Variants in CTNNA3 observed in about 807,000 individuals in gnomAD.
CTNNA3 encodes the protein catenin alpha 3, also known as catenin alpha-3.
CTNNA3 carries 76 observed loss-of-function variants against 95.7 expected under a neutral mutation model. The observed-to-expected ratio is 0.79, with a 90% CI of 0.66 to 0.96. The LOEUF (loss-of-function observed/expected upper bound fraction) is 0.96. Ranked by LOEUF, CTNNA3 falls within the 40% of genes least tolerant of loss-of-function variation. The probability of loss-of-function intolerance (pLI) is 0.00; values close to 1 mark genes in which losing one functional copy is unlikely to be tolerated. For synonymous variants in CTNNA3, 431 were observed against 374.4 expected, an observed-to-expected ratio of 1.15 and a Z score of -1.74; for missense variants, 1,191 against 1,089.8, an observed-to-expected ratio of 1.09 and a Z score of -1.31.
In CTNNA3 at chr10:66,621,591, C is replaced by CA. The variant is rs111590769; in HGVS notation, c.1374+100dup. ...TGGGCAACAGAGCGAGACCTGGTCT[C>CA]AAAAAAAAAAAAAGAAAAAAAAATA... On this transcript the variant is annotated intron_variant, in intron 10 of 17. Coordinates refer to ENST00000433211, the MANE Select transcript of CTNNA3 (RefSeq NM_013266.4). 67,820 of 473,202 alleles carry CA rather than the reference C, an allele frequency of 0.14. 1,320 individuals carry two copies. The highest frequency in any genetic ancestry group is 0.32 in the African/African-American group (11,601 of 36,712). 29.3% of individuals were successfully genotyped at this position (473,202 alleles called of 1,614,324 possible).
At chr10:66,549,023 C>G (rs544126139) in intron 10 of CTNNA3, among the ~76,000 whole-genome samples, 34 of 102,922 alleles carry the variant, frequency 3.3e-4, no homozygotes, top group Admixed American at 2.1e-3. Flanking sequence ...GAGTCTTGCT[C>G]TGTTGCCCAG....
At chr10:66,308,808 T>G (rs1340005180) in intron 12 of CTNNA3, among the ~76,000 whole-genome samples, 2 of 152,190 alleles carry the variant, frequency 1.3e-5, no homozygotes, top group Non-Finnish European at 2.9e-5. Flanking sequence ...AATTCATGTT[T>G]TATTATATAT....
intron 13 of CTNNA3, among the ~76,000 whole-genome samples, chr10:66,188,593 CTCTGTGTGTGTG>C (rs1382946895): frequency 4.2e-4 from 44 of 104,640 alleles, no homozygotes; most frequent in African/African-American, 1.2e-3. Context: ...GAGGGGGGGT[CTCTGTGTGTGTG>C]TGTGTGTGTG....
chr10:66,805,107 C>T (rs146830347), intron 7 of CTNNA3, among the ~76,000 whole-genome samples: 16 of 152,176 alleles, frequency 1.1e-4, no homozygotes, highest in African/African-American at 3.1e-4. Flanking sequence ...TCACACGTGT[C>T]GTCACAATTT....
At chr10:66,890,746 C>T (rs1250435718) in intron 7 of CTNNA3, among the ~76,000 whole-genome samples, 1 of 152,150 alleles carries the variant, frequency 6.6e-6, no homozygotes, top group Non-Finnish European at 1.5e-5. Flanking sequence ...TTAGATTATT[C>T]TCTTTTTAAG....
chr10:65,922,161 T>C (rs2077097498), intron 17 of CTNNA3, among the ~76,000 whole-genome samples: 1 of 152,194 alleles, frequency 6.6e-6, no homozygotes. Flanking sequence ...TCCAAGAATA[T>C]CCTACTTCCA....
At chr10:66,376,966 C>G (rs991219959) in intron 12 of CTNNA3, among the ~76,000 whole-genome samples, 6 of 152,242 alleles carry the variant, frequency 3.9e-5, no homozygotes, top group African/African-American at 1.4e-4. Flanking sequence ...TAGACAATGT[C>G]TCCATGGGAA....
intron 13 of CTNNA3, among the ~76,000 whole-genome samples, chr10:66,273,445 A>G (rs2091324620): frequency 6.6e-6 from 1 of 152,190 alleles, no homozygotes; most frequent in Non-Finnish European, 1.5e-5. Context: ...ACAGTGGTTG[A>G]CCACAGATAA....
intron 12 of CTNNA3, among the ~76,000 whole-genome samples, chr10:66,342,709 T>C (rs184653610): frequency 5.3e-5 from 8 of 152,176 alleles, no homozygotes; most frequent in Admixed American, 4.6e-4. Context: ...AATTCCTTCA[T>C]TTATTCACTA....
At chr10:67,199,988 G>A (rs752000311) in intron 6 of CTNNA3, among the ~76,000 whole-genome samples, 36 of 152,136 alleles carry the variant, frequency 2.4e-4, no homozygotes, top group Admixed American at 2.4e-3. Context: ...CAAAAGTATG[G>A]TAAGAATACT....
chr10:67,401,863 C>G (rs889036062), intron 5 of CTNNA3, among the ~76,000 whole-genome samples: 1 of 152,128 alleles, frequency 6.6e-6, no homozygotes, highest in Non-Finnish European at 1.5e-5. Flanking sequence ...CTTGCAAAAC[C>G]AAGAGTAAGA....
At chr10:66,564,490 G>T (rs945117242) in intron 10 of CTNNA3, among the ~76,000 whole-genome samples, 1 of 152,170 alleles carries the variant, frequency 6.6e-6, no homozygotes, top group Non-Finnish European at 1.5e-5. Flanking sequence ...CAAATAGAAA[G>T]TGATGATGCC....
At chr10:67,183,208 T>G (rs1410634432) in intron 6 of CTNNA3, among the ~76,000 whole-genome samples, 1 of 152,216 alleles carries the variant, frequency 6.6e-6, no homozygotes, top group African/African-American at 2.4e-5. Flanking sequence ...CAAAGGATTA[T>G]AAAACATGCT....
At chr10:66,698,545 A>G (rs1046012907) in intron 9 of CTNNA3, among the ~76,000 whole-genome samples, 11 of 152,224 alleles carry the variant, frequency 7.2e-5, no homozygotes, top group African/African-American at 2.7e-4. Context: ...CCTGCTTAAG[A>G]TTCATAATCC....
chr10:66,327,766 A>G (rs2132307498), intron 12 of CTNNA3, among the ~76,000 whole-genome samples: 1 of 152,224 alleles, frequency 6.6e-6, no homozygotes, highest in South Asian at 2.1e-4. Flanking sequence ...TGGCTTTTAA[A>G]TAAATTTTCT....
chr10:67,612,771 C>A (rs1157500996), intron 2 of CTNNA3, among the ~76,000 whole-genome samples: 1 of 152,160 alleles, frequency 6.6e-6, no homozygotes, highest in East Asian at 1.9e-4. Flanking sequence ...CAGAGGTCAT[C>A]TGGGCTAGTC....
intron 5 of CTNNA3, among the ~76,000 whole-genome samples, chr10:67,277,271 C>G (rs780244405): frequency 6.6e-5 from 10 of 152,142 alleles, no homozygotes; most frequent in Non-Finnish European, 1.0e-4. Context: ...GCAACTGGCT[C>G]CCAGTACACC....
chr10:66,273,191 C>T (rs2091319503), intron 13 of CTNNA3, among the ~76,000 whole-genome samples: 2 of 152,084 alleles, frequency 1.3e-5, no homozygotes, highest in African/African-American at 2.4e-5. Context: ...TTGCCTGCAT[C>T]ACTACGTGCA....
chr10:67,415,228 C>T (rs1043316961), intron 5 of CTNNA3, among the ~76,000 whole-genome samples: 6 of 152,068 alleles, frequency 3.9e-5, no homozygotes, highest in Admixed American at 6.6e-5. Context: ...TTTTCACTGA[C>T]GATATGATTT....
Sources: gnomAD v4.1 joint callset for allele counts (sites outside exome capture counted in the v4.1 genomes callset) on GRCh38, gnomAD v4.1.1 for gene constraint, MANE v1.5 for transcripts, NCBI Gene and HGNC (gene_info 2026-07-23, HGNC 2026-07-21) for gene names.